The following MYLK variants were observed in gnomAD, a reference collection of about 807,000 sequenced individuals.
MYLK encodes myosin light chain kinase.
In MYLK, 106 loss-of-function variants were observed where a neutral mutation model predicts 203.4. That is an observed-to-expected ratio of 0.52 (90% CI 0.45 to 0.61). MYLK has a LOEUF of 0.61. Among genes scored for constraint, MYLK ranks in the 20% least tolerant of loss-of-function variants. The probability of loss-of-function intolerance (pLI) is 0.00; values close to 1 mark genes in which losing one functional copy is unlikely to be tolerated. For missense variants in MYLK, 2,072 were observed against 2,442.3 expected, an observed-to-expected ratio of 0.85 and a Z score of 3.20; for synonymous variants, 867 against 959.5, an observed-to-expected ratio of 0.90 and a Z score of 1.78.
At chr3:123,754,750 T>C (rs1380895766) in intron 4 of MYLK, among the ~76,000 whole-genome samples, 1 of 152,204 alleles carries the variant, frequency 6.6e-6, no homozygotes, top group Admixed American at 6.5e-5. Context: ...CACCTGGCCT[T>C]TGCAAAACAG....
chr3:123,779,519 T>A (rs554098507), intron 4 of MYLK, among the ~76,000 whole-genome samples: 7 of 152,178 alleles, frequency 4.6e-5, no homozygotes, highest in Non-Finnish European at 7.3e-5. Flanking sequence ...GGCTTGGGAC[T>A]CTGTGCTCAC....
chr3:123,799,580 C>T (rs907033787), intron 3 of MYLK, among the ~76,000 whole-genome samples: 4 of 152,210 alleles, frequency 2.6e-5, no homozygotes, highest in South Asian at 2.1e-4. Flanking sequence ...AAGCAGGCTC[C>T]GCAGTCTACC....
At position 123,665,901 on chromosome 3, in the gene MYLK, C is replaced by T. The variant is rs374706188; in HGVS notation, c.3831+318G>A. Among the ~76,000 whole-genome samples the T allele has an allele frequency of 2.8e-4, 42 of 152,254 alleles. No homozygotes were observed. The South Asian group carries it at 4.6e-3, about 17-fold the overall frequency. On this transcript the variant is annotated intron_variant, in intron 22 of 33. Transcript: ENST00000360304. ...TAAGGGTCATCTTGGGTCACAGGCT[C>T]GACTTTCCTGACTCTGAATAGGATT... is the stretch of plus-strand genomic sequence containing the variant.
Position 123,803,978 on chromosome 3 carries a change from CTAA to C in MYLK, c.-3-10137_-3-10135del, listed in dbSNP as rs564143487. Among the ~76,000 whole-genome samples, 173 of 152,334 alleles carry C rather than the reference CTAA, an allele frequency of 1.1e-3. 2 individuals carry two copies. The Middle Eastern group carries it at 0.017, about 15-fold the overall frequency. On this transcript the variant is annotated intron_variant, in intron 3 of 33. Coordinates refer to ENST00000360304, the MANE Select transcript of MYLK (RefSeq NM_053025.4). ...GGGGAAAAAGGAGAAAAAGAGAGAA[CTAA>C]TAATAGTTGCCATGTATTTAGCACT...
intron 29 of MYLK, among the ~76,000 whole-genome samples, chr3:123,635,356 T>G (rs76531881): frequency 0.035 from 5,294 of 152,300 alleles, 316 homozygotes; most frequent in African/African-American, 0.12. Context: ...TCAGCACCGC[T>G]CTCTGTTGAG....
At chr3:123,618,177 G>C (rs2057621626) in intron 33 of MYLK, 1 of 206,474 alleles carries the variant, frequency 4.8e-6, no homozygotes, top group African/African-American at 2.3e-5. Context: ...CGTAACTCAG[G>C]GGAGTTGGAC....
At chr3:123,723,971 C>T (rs1253257021) in intron 12 of MYLK, among the ~76,000 whole-genome samples, 3 of 152,076 alleles carry the variant, frequency 2.0e-5, no homozygotes, top group Non-Finnish European at 2.9e-5. Context: ...GTGAAACTCA[C>T]ATTTCAGTAT....
chr3:123,806,983 A>G (rs1430146865), intron 3 of MYLK, among the ~76,000 whole-genome samples: 1 of 151,950 alleles, frequency 6.6e-6, no homozygotes, highest in Non-Finnish European at 1.5e-5. Context: ...GAGATATTTT[A>G]TAGCACCACT....
intron 4 of MYLK, among the ~76,000 whole-genome samples, chr3:123,760,011 G>T (rs1478249898): frequency 2.6e-5 from 4 of 152,198 alleles, no homozygotes; most frequent in African/African-American, 9.7e-5. Context: ...CTTACTTCAG[G>T]AAGGTATATG....
At chr3:123,619,625 T>C (rs1272877386) in intron 32 of MYLK, among the ~76,000 whole-genome samples, 1 of 152,206 alleles carries the variant, frequency 6.6e-6, no homozygotes, top group Non-Finnish European at 1.5e-5. Context: ...ACTGAGGAGA[T>C]GGACGGGACA....
intron 20 of MYLK, among the ~76,000 whole-genome samples, chr3:123,667,930 C>A (rs2059794224): frequency 6.6e-6 from 1 of 152,142 alleles, no homozygotes; most frequent in Non-Finnish European, 1.5e-5. Context: ...CTTTGGGTCA[C>A]AGACTGTTGA....
chr3:123,685,879 G>A (rs1190060637), intron 19 of MYLK, among the ~76,000 whole-genome samples: 2 of 152,236 alleles, frequency 1.3e-5, no homozygotes, highest in East Asian at 3.9e-4. Flanking sequence ...ATCTGGCCAT[G>A]AGGAAAGGGG....
In MYLK at chr3:123,722,119, G is replaced by A; in HGVS notation, c.1804+9C>T. ...AGGTGCTTCTACCCAGGTGCCCAGA[G>A]GCTCCTACCATGGACGGTGACCCAG... On this transcript the variant is annotated intron_variant, in intron 13 of 33. Coordinates refer to ENST00000360304, the MANE Select transcript of MYLK (RefSeq NM_053025.4). 6.4e-7 allele frequency: 1 copy of A among 1,562,610 alleles called. No individual in the cohort carries two copies. The highest frequency in any genetic ancestry group is 8.7e-7 in the Non-Finnish European group (1 of 1,153,318).
intron 18 of MYLK, among the ~76,000 whole-genome samples, chr3:123,697,302 G>A (rs961936466): frequency 6.6e-6 from 1 of 152,138 alleles, no homozygotes; most frequent in Non-Finnish European, 1.5e-5. Flanking sequence ...TTGAGACAAC[G>A]CACTCTCCTG....
chr3:123,664,333 T>A, intron 22 of MYLK, 75 bp from the exon 23 acceptor site: 1 of 1,595,714 alleles, frequency 6.3e-7, no homozygotes, highest in South Asian at 1.1e-5. Flanking sequence ...TCCTCCCCAT[T>A]CCCTACTTCC....
intron 31 of MYLK, chr3:123,625,347 G>A (rs182259064): frequency 1.4e-4 from 22 of 152,178 alleles, no homozygotes; most frequent in East Asian, 1.2e-3. Context: ...ATTGCACTAC[G>A]TAGTCCCTGA....
rs2059097429 is a variant in MYLK at position 123,648,434 on chromosome 3, T to C, written c.4415+537A>G. ...GATCAAATGGAAGGGGTGCCAAAGA[T>C]AATCTGATCCAGTCCTCTCATTTTA... On this transcript the variant is annotated intron_variant, in intron 26 of 33. Transcript: ENST00000360304. The surrounding 1 kb of genome is among the most constrained non-coding windows in gnomAD (Gnocchi z 4.5). 6.6e-6 allele frequency among the ~76,000 whole-genome samples: 1 copy of C among 152,246 alleles called. No homozygotes were observed. The highest frequency in any genetic ancestry group is 6.5e-5 in the Admixed American group (1 of 15,284).
chr3:123,818,412 A>G (rs2065816288), intron 3 of MYLK, among the ~76,000 whole-genome samples: 1 of 152,172 alleles, frequency 6.6e-6, no homozygotes, highest in South Asian at 2.1e-4. Flanking sequence ...ATGAAGAAAG[A>G]ACACAACCAC....
intron 27 of MYLK, among the ~76,000 whole-genome samples, chr3:123,641,604 T>A (rs531480593): frequency 1.3e-4 from 19 of 151,964 alleles, no homozygotes; most frequent in African/African-American, 4.6e-4. Context: ...ACTCCTGGTC[T>A]CCAGCGATTA....
Sources: allele counts gnomAD v4.1 joint callset (sites outside exome capture counted in the v4.1 genomes callset), GRCh38; gene constraint gnomAD v4.1.1; non-coding constraint Gnocchi (gnomAD v3.1); transcripts MANE v1.5; gene names NCBI Gene and HGNC (gene_info 2026-07-23, HGNC 2026-07-21).